SLC15A5: variants seen among roughly 807,000 people sequenced by gnomAD.
SLC15A5 encodes the protein Peptide/histidine transporter ENSP00000340402.
Under a neutral mutation model 56.1 loss-of-function variants are expected in SLC15A5, and 58 were observed. That is an observed-to-expected ratio of 1.03 (90% CI 0.84 to 1.29). The LOEUF (loss-of-function observed/expected upper bound fraction) is 1.29, where lower values mean the gene tolerates loss of function less well. Ranked by LOEUF, SLC15A5 falls within the 50% of genes most tolerant of loss-of-function variation. SLC15A5 has a pLI of 0.00. For synonymous variants in SLC15A5, 264 were observed against 250.5 expected, an observed-to-expected ratio of 1.05 and a Z score of -0.51; for missense variants, 681 against 672.1, an observed-to-expected ratio of 1.01 and a Z score of -0.15.
chr12:16,190,587 A>G (rs1450354467), intron 8 of SLC15A5, among the ~76,000 whole-genome samples: 1 of 152,194 alleles, frequency 6.6e-6, no homozygotes, highest in Non-Finnish European at 1.5e-5. Context: ...TTCAATAAAT[A>G]TTTGTCAAAT....
At chr12:16,245,004 T>A (rs1864448915) in intron 3 of SLC15A5, among the ~76,000 whole-genome samples, 1 of 152,130 alleles carries the variant, frequency 6.6e-6, no homozygotes, top group South Asian at 2.1e-4. Context: ...ACCTAGCAGT[T>A]GATGTCAAAA....
intron 7 of SLC15A5, among the ~76,000 whole-genome samples, chr12:16,211,746 T>C (rs886721421): frequency 2.0e-5 from 3 of 152,194 alleles, no homozygotes; most frequent in Admixed American, 6.5e-5. Context: ...ATGATTAGTG[T>C]AGGAGGATGA....
chr12:16,221,569 G>A (rs1864188357), intron 6 of SLC15A5, among the ~76,000 whole-genome samples: 1 of 152,208 alleles, frequency 6.6e-6, no homozygotes, highest in Non-Finnish European at 1.5e-5. Flanking sequence ...GGAACAACAC[G>A]TGGAGACCAA....
intron 3 of SLC15A5, among the ~76,000 whole-genome samples, chr12:16,246,541 G>A (rs1864463075): frequency 6.6e-6 from 1 of 152,134 alleles, no homozygotes; most frequent in South Asian, 2.1e-4. Context: ...AACTCTTGCA[G>A]AGTGGTGCTG....
At chr12:16,239,475 A>G (rs1864389288) in intron 5 of SLC15A5, among the ~76,000 whole-genome samples, 1 of 152,218 alleles carries the variant, frequency 6.6e-6, no homozygotes, top group Admixed American at 6.5e-5. Flanking sequence ...CTGAGGAGAC[A>G]TAAACATAAA....
chr12:16,246,718 T>A (rs1026221746), intron 3 of SLC15A5, among the ~76,000 whole-genome samples: 2 of 152,184 alleles, frequency 1.3e-5, no homozygotes, highest in African/African-American at 4.8e-5. Context: ...TTAAATATAA[T>A]ATATTTTAAA....
At chr12:16,253,347 CAT>C (rs1430189210) in intron 3 of SLC15A5, among the ~76,000 whole-genome samples, 1 of 152,024 alleles carries the variant, frequency 6.6e-6, no homozygotes, top group African/African-American at 2.4e-5. Flanking sequence ...GAAAAGGCAA[CAT>C]ATGGAATGGG....
At chr12:16,254,214 A>C (rs1027194174) in intron 3 of SLC15A5, among the ~76,000 whole-genome samples, 2 of 152,076 alleles carry the variant, frequency 1.3e-5, no homozygotes, top group Non-Finnish European at 2.9e-5. Flanking sequence ...AAAAGGACAA[A>C]GACCCTGTCT....
rs1000646164 is a variant in SLC15A5 at position 16,235,491 on chromosome 12, T to C, written c.1162+4190A>G. On this transcript the variant is annotated intron_variant, in intron 5 of 8. Transcript: ENST00000344941. This position sits in a 1 kb window ranked among gnomAD's most constrained non-coding sequence, Gnocchi z 4.1. Reference sequence around the variant, plus strand: ...ATGTATCTCTATAAGGCATCAGTTATTTGCTTCAGATTGCATATTAGATGA... The same window carrying C: ...ATGTATCTCTATAAGGCATCAGTTACTTGCTTCAGATTGCATATTAGATGA... 2.0e-5 allele frequency among the ~76,000 whole-genome samples: 3 copies of C among 152,056 alleles called. No homozygotes were observed. Among genetic ancestry groups the C allele is most frequent in the Non-Finnish European group, 4.4e-5 (3 of 67,954 alleles).
chr12:16,245,063 G>A (rs1392620587), intron 3 of SLC15A5, among the ~76,000 whole-genome samples: 2 of 152,136 alleles, frequency 1.3e-5, no homozygotes, highest in African/African-American at 4.8e-5. Flanking sequence ...AAAGAAAGGT[G>A]ACAAAATAAT....
At chr12:16,260,555 A>G (rs756877288) in intron 2 of SLC15A5, among the ~76,000 whole-genome samples, 8 of 151,686 alleles carry the variant, frequency 5.3e-5, no homozygotes, top group Non-Finnish European at 2.9e-5. Flanking sequence ...TTTTGGATGC[A>G]TGTCATCTGT....
intron 7 of SLC15A5, among the ~76,000 whole-genome samples, chr12:16,202,356 T>A (rs1176440071): frequency 6.6e-6 from 1 of 152,090 alleles, no homozygotes. Flanking sequence ...AACTTTTCAA[T>A]ATCAATGATC....
At chr12:16,261,195 CTAAA>C in intron 2 of SLC15A5, among the ~76,000 whole-genome samples, 1 of 152,054 alleles carries the variant, frequency 6.6e-6, no homozygotes, top group East Asian at 1.9e-4. Flanking sequence ...TCCATTGCTT[CTAAA>C]GCTCAGTCAC....
At chr12:16,248,061 A>G (rs1864479977) in intron 3 of SLC15A5, among the ~76,000 whole-genome samples, 1 of 151,984 alleles carries the variant, frequency 6.6e-6, no homozygotes, top group South Asian at 2.1e-4. Flanking sequence ...GAAGTGAGAA[A>G]ATTTGAAGAT....
At chr12:16,245,762 G>C (rs1284220573) in intron 3 of SLC15A5, among the ~76,000 whole-genome samples, 2 of 152,188 alleles carry the variant, frequency 1.3e-5, no homozygotes. Flanking sequence ...GGCTGCTATA[G>C]AAACTCAAAG....
chr12:16,264,712 C>T (rs762233688), intron 2 of SLC15A5, among the ~76,000 whole-genome samples: 23 of 152,106 alleles, frequency 1.5e-4, no homozygotes, highest in Admixed American at 7.9e-4. Flanking sequence ...ATGCTGTTCT[C>T]GTGATAGTGA....
At chr12:16,251,087 C>A (rs563660114) in intron 3 of SLC15A5, among the ~76,000 whole-genome samples, 2 of 151,840 alleles carry the variant, frequency 1.3e-5, no homozygotes, top group African/African-American at 4.8e-5. Flanking sequence ...CTATTCTTAA[C>A]AAATTGGACA....
chr12:16,195,379 A>G (rs1863883736), intron 7 of SLC15A5, among the ~76,000 whole-genome samples: 2 of 152,244 alleles, frequency 1.3e-5, no homozygotes, highest in Admixed American at 1.3e-4. Flanking sequence ...TACTTTAAAA[A>G]CAGCAAGGAG....
At chr12:16,253,606 C>A (rs1160785192) in intron 3 of SLC15A5, among the ~76,000 whole-genome samples, 1 of 152,040 alleles carries the variant, frequency 6.6e-6, no homozygotes, top group East Asian at 1.9e-4. Flanking sequence ...TGCCGTGGCT[C>A]ACACTTCTAA....
Sources: gnomAD v4.1 joint callset for allele counts (sites outside exome capture counted in the v4.1 genomes callset) on GRCh38, gnomAD v4.1.1 for gene constraint, Gnocchi (gnomAD v3.1) non-coding constraint, MANE v1.5 for transcripts, NCBI Gene and HGNC (gene_info 2026-07-23, HGNC 2026-07-21) for gene names.